Variants in COX6C observed in about 807,000 individuals in gnomAD.
The protein encoded by COX6C is cytochrome c oxidase polypeptide VIc.
Under a neutral mutation model 6.9 loss-of-function variants are expected in COX6C, and 3 were observed. The observed-to-expected ratio is 0.43, with a 90% CI of 0.20 to 1.12. The LOEUF is 1.12. Among genes scored for constraint, COX6C ranks in the 50% most tolerant of loss-of-function variants. The pLI is 0.27. For synonymous variants in COX6C, 32 were observed against 32.0 expected (o/e 1.00, Z 0.00); for missense variants, 101 against 97.3 (o/e 1.04, Z -0.16).
chr8:99,890,363 G>C (rs1030355586), intron 2 of COX6C, among the ~76,000 whole-genome samples: 22 of 152,116 alleles, frequency 1.4e-4, no homozygotes, highest in Non-Finnish European at 1.9e-4. Context: ...CATTCTTTCA[G>C]TTATGTTCTA....
At chr8:99,886,311 G>C (rs1817941845) in intron 3 of COX6C, 1 of 152,230 alleles carries the variant, frequency 6.6e-6, no homozygotes, top group Non-Finnish European at 1.5e-5. Flanking sequence ...GATCCCTTGA[G>C]CCTGGGAGGT....
intron 3 of COX6C, among the ~76,000 whole-genome samples, chr8:99,883,207 T>C (rs1427524345): frequency 1.3e-5 from 2 of 152,094 alleles, no homozygotes; most frequent in Non-Finnish European, 2.9e-5. Flanking sequence ...CAAGACCATA[T>C]GGTGAATCCT....
At chr8:99,886,218 T>G (rs1234080602) in intron 3 of COX6C, 1 of 152,204 alleles carries the variant, frequency 6.6e-6, no homozygotes, top group Admixed American at 6.5e-5. Flanking sequence ...GGTGAAACCC[T>G]GTCTCTACTA....
In COX6C at chr8:99,891,889, A is replaced by C. The variant is rs1165908573; in HGVS notation, c.114+19T>G. On this transcript the variant is annotated intron_variant, in intron 2 of 3. Coordinates refer to ENST00000520468, the MANE Select transcript of COX6C (RefSeq NM_004374.4). ...CACATACTTTATGACCTTCGGCACA[A>C]AGTAAAAAACATACATACCTTATAC... 2 of 1,606,690 alleles carry C rather than the reference A, an allele frequency of 1.2e-6. No homozygotes were observed. Among genetic ancestry groups the C allele is most frequent in the Non-Finnish European group, 8.5e-7 (1 of 1,173,426 alleles).
intron 3 of COX6C, among the ~76,000 whole-genome samples, chr8:99,883,866 C>A (rs1162595184): frequency 5.9e-5 from 9 of 152,084 alleles, no homozygotes; most frequent in Admixed American, 5.9e-4. Flanking sequence ...TCAACATATG[C>A]AAATCAATAG....
chr8:99,887,233 T>G (rs1447232221), intron 3 of COX6C: 1 of 281,472 alleles, frequency 3.6e-6, no homozygotes, highest in Non-Finnish European at 6.6e-6. Context: ...ATCAGCTGTT[T>G]ACCCTTGTGA....
At chr8:99,886,584 CAACA>C (rs1269379386) in intron 3 of COX6C, among the ~76,000 whole-genome samples, 2 of 152,068 alleles carry the variant, frequency 1.3e-5, no homozygotes, top group African/African-American at 4.8e-5. Flanking sequence ...GCATCACTCA[CAACA>C]ATCAAAAAGT....
chr8:99,888,381 G>A (rs946264383), intron 2 of COX6C, among the ~76,000 whole-genome samples: 13 of 152,014 alleles, frequency 8.6e-5, no homozygotes, highest in Admixed American at 1.3e-4. Context: ...GACCAGCCTG[G>A]CCAACATGAT....
intron 3 of COX6C, among the ~76,000 whole-genome samples, chr8:99,883,785 G>C (rs1239501096): frequency 6.6e-6 from 1 of 152,064 alleles, no homozygotes; most frequent in African/African-American, 2.4e-5. Context: ...TAGCAAACCA[G>C]ATTTGACATC....
chr8:99,879,715 G>C (rs886785832), intron 3 of COX6C, among the ~76,000 whole-genome samples: 2 of 152,084 alleles, frequency 1.3e-5, no homozygotes, highest in Non-Finnish European at 2.9e-5. Context: ...AAACTACCCT[G>C]GCTCTTCCCT....
At chr8:99,891,330 C>T (rs892648880) in intron 2 of COX6C, among the ~76,000 whole-genome samples, 3 of 152,132 alleles carry the variant, frequency 2.0e-5, no homozygotes, top group African/African-American at 7.2e-5. Context: ...GCAGGTGAAT[C>T]CCTTGAGCCC....
intron 2 of COX6C, 111 bp downstream of exon 2, chr8:99,891,797 T>A: frequency 3.4e-6 from 3 of 892,546 alleles, no homozygotes; most frequent in Non-Finnish European, 3.7e-6. Context: ...CTGAGGTGAG[T>A]GCAGAAAGGG....
intron 2 of COX6C, among the ~76,000 whole-genome samples, chr8:99,889,384 AT>A (rs11287901): frequency 0.5 from 63,113 of 126,158 alleles, 16,196 homozygotes; most frequent in African/African-American, 0.76. Flanking sequence ...CCACCTCCCA[AT>A]TTTTTTTTTT....
At chr8:99,886,202 T>A (rs1817940591) in intron 3 of COX6C, 1 of 152,022 alleles carries the variant, frequency 6.6e-6, no homozygotes, top group African/African-American at 2.4e-5. Flanking sequence ...ACAGCCCAGG[T>A]AATATGGTGA....
chr8:99,883,239 G>T (rs1424617246), intron 3 of COX6C, among the ~76,000 whole-genome samples: 1 of 151,934 alleles, frequency 6.6e-6, no homozygotes, highest in Non-Finnish European at 1.5e-5. Flanking sequence ...TTGAGACAGG[G>T]TCTCATATTC....
rs541690335 is a variant in COX6C, at chr8:99,879,382, C to G, written c.*16-1117G>C. Among the ~76,000 whole-genome samples the G allele has an allele frequency of 1.5e-4, 23 of 152,248 alleles. 1 individual carries two copies. The South Asian group carries it at 4.8e-3, about 32-fold the overall frequency. On this transcript the variant is annotated intron_variant, in intron 3 of 3. Transcript: ENST00000520468. ...CAAATACTTTTTTTTAAAAAAGTGA[C>G]TTCTAAAAGTGTAACATTCGTAATG...
At chr8:99,888,140 T>G (rs1180274577) in intron 2 of COX6C, among the ~76,000 whole-genome samples, 2 of 150,034 alleles carry the variant, frequency 1.3e-5, no homozygotes, top group African/African-American at 4.9e-5. Context: ...AAATAAAAAA[T>G]AAAAAAGATG....
intron 3 of COX6C, among the ~76,000 whole-genome samples, chr8:99,882,890 C>G (rs1392787187): frequency 6.6e-6 from 1 of 152,170 alleles, no homozygotes; most frequent in Non-Finnish European, 1.5e-5. Flanking sequence ...CTTGACCTCC[C>G]AGGCTCAGGT....
At chr8:99,893,089 G>A (rs1389672093) in intron 1 of COX6C, 1 of 152,278 alleles carries the variant, frequency 6.6e-6, no homozygotes, top group African/African-American at 2.4e-5. Flanking sequence ...AGGATGGGAA[G>A]CCGTGGGGCA....
Sources: allele counts gnomAD v4.1 joint callset (sites outside exome capture counted in the v4.1 genomes callset), GRCh38; gene constraint gnomAD v4.1.1; transcripts MANE v1.5; gene names NCBI Gene and HGNC (gene_info 2026-07-23, HGNC 2026-07-21).